Variants in PPP6R2 observed in about 807,000 individuals in gnomAD.
PPP6R2 encodes the protein protein phosphatase 6 regulatory subunit 2, also known as serine/threonine-protein phosphatase 6 regulatory subunit 2.
A neutral mutation model predicts 100.2 loss-of-function variants in PPP6R2; 62 were observed. The observed-to-expected ratio is 0.62, with a 90% CI of 0.50 to 0.76. The LOEUF (loss-of-function observed/expected upper bound fraction) is 0.76. Ranked by LOEUF, PPP6R2 falls within the 30% of genes least tolerant of loss-of-function variation. The probability of loss-of-function intolerance (pLI) is 0.00; values close to 1 mark genes in which losing one functional copy is unlikely to be tolerated. For missense variants in PPP6R2, 1,142 were observed against 1,276.3 expected, an observed-to-expected ratio of 0.89 and a Z score of 1.60; for synonymous variants, 525 against 514.7, an observed-to-expected ratio of 1.02 and a Z score of -0.27.
chr22:50,339,844 GGTGTGTGTGTGGTATGTA>G (rs2042351073), upstream of PPP6R2, among the ~76,000 whole-genome samples: 1 of 118,110 alleles, frequency 8.5e-6, no homozygotes, highest in Non-Finnish European at 1.7e-5. Context: ...TGTGGTGTGT[GGTGTGTGTGTGGTATGTA>G]GTGTGTGTGT....
Position 50,438,718 on chromosome 22 carries a change from C to G in PPP6R2, c.2084C>G (p.Ala695Gly). 1 of 1,612,398 alleles carries G rather than the reference C, an allele frequency of 6.2e-7. No homozygotes were observed. Among genetic ancestry groups the G allele is most frequent in the South Asian group, 1.1e-5 (1 of 90,920 alleles). Residue 695 changes from alanine to glycine, a missense_variant, in exon 19 of 24, where the codon GCC (alanine) becomes GGC (glycine). Transcript: ENST00000612753. Reference sequence around the variant, plus strand: ...GCACCTGGGGCAGGTGCCCCACCGGCCCCCGGGAAGAAGGAAGCGCCCCCT... The same window carrying G: ...GCACCTGGGGCAGGTGCCCCACCGGGCCCCGGGAAGAAGGAAGCGCCCCCT... ...RDAPGAGAPP[A>G]PGKKEAPPVE...
At chr22:50,357,081 G>T (rs1381331552) in intron 1 of PPP6R2, among the ~76,000 whole-genome samples, 1 of 152,130 alleles carries the variant, frequency 6.6e-6, no homozygotes, top group Admixed American at 6.6e-5. Flanking sequence ...GGCGGTAGTG[G>T]TATCTTACTG....
At chr22:50,346,978 C>G (rs377732468) in intron 1 of PPP6R2, among the ~76,000 whole-genome samples, 1 of 151,674 alleles carries the variant, frequency 6.6e-6, no homozygotes, top group East Asian at 1.9e-4. Context: ...CTTCTGTCAG[C>G]AATGTCCCCA....
rs561546062 is a variant in PPP6R2, at chr22:50,444,168, G to T, written c.2832-31G>T. The T allele has an allele frequency of 5.0e-6, 8 of 1,611,940 alleles. No homozygotes were observed. In the East Asian group the frequency reaches 1.6e-4, roughly 31 times the overall value. The stretch of plus-strand genomic sequence containing the variant: ...GGGGTGTGGACAGGGCCCGCAGCCC[G>T]CACGGTTCCAACCCCACCCCATTCC... On this transcript the variant is annotated intron_variant, in intron 23 of 23. Transcript: ENST00000612753.
At chr22:50,380,058 G>A (rs2052519912) in intron 2 of PPP6R2, among the ~76,000 whole-genome samples, 1 of 152,122 alleles carries the variant, frequency 6.6e-6, no homozygotes, top group Admixed American at 6.6e-5. Context: ...AGGAATACCA[G>A]AGGGTGGGTA....
chr22:50,400,136 A>G (rs867609199), intron 3 of PPP6R2, among the ~76,000 whole-genome samples: 2 of 152,068 alleles, frequency 1.3e-5, no homozygotes, highest in South Asian at 4.1e-4. Flanking sequence ...CCCAGGAAGC[A>G]CCCCCTGCCG....
chr22:50,444,519 G>A lies in PPP6R2; in HGVS notation c.*272G>A. 3.0e-6 allele frequency: 1 copy of A among 333,592 alleles called. No homozygotes were observed. Among genetic ancestry groups the A allele is most frequent in the Non-Finnish European group, 5.2e-6 (1 of 193,078 alleles). 20.7% of individuals were successfully genotyped at this position (333,592 alleles called of 1,614,324 possible). A position where few individuals can be genotyped will look rare whatever the true frequency, so the allele number is the denominator to read the frequency against. ...AGCACAGCAATAAGGTCGGCCTGCA[G>A]GAGCCGGGGTGGGGGTGGGGGTGGG... is the stretch of plus-strand genomic sequence containing the variant. On this transcript the variant is annotated 3_prime_UTR_variant, in exon 24 of 24. Coordinates refer to ENST00000612753, the MANE Select transcript of PPP6R2 (RefSeq NM_001242898.2).
chr22:50,396,195 CAAAAAAAA>C (rs528437459), intron 3 of PPP6R2, among the ~76,000 whole-genome samples: 2 of 51,622 alleles, frequency 3.9e-5, no homozygotes, highest in East Asian at 1.3e-3. Flanking sequence ...GACTCTGGCT[CAAAAAAAA>C]AAAAAAAAAA....
At chr22:50,389,559 T>G (rs893681608) in intron 2 of PPP6R2, among the ~76,000 whole-genome samples, 4 of 150,382 alleles carry the variant, frequency 2.7e-5, no homozygotes, top group Non-Finnish European at 5.9e-5. Context: ...TTTTTTTGTT[T>G]TTTTTTTTTT....
chr22:50,408,656 C>CCTTG (rs1255347694), intron 4 of PPP6R2, among the ~76,000 whole-genome samples: 2 of 152,050 alleles, frequency 1.3e-5, no homozygotes, highest in Non-Finnish European at 2.9e-5. Flanking sequence ...CCCTTGCAGC[C>CCTTG]CAGTGACTAG....
At chr22:50,352,706 A>G (rs1173384274) in intron 1 of PPP6R2, among the ~76,000 whole-genome samples, 2 of 150,900 alleles carry the variant, frequency 1.3e-5, no homozygotes, top group African/African-American at 4.9e-5. Context: ...GCCTGGTGAC[A>G]GAGCGAGACT....
chr22:50,406,640 G>C (rs760850500), intron 3 of PPP6R2, 49 bp from the exon 4 acceptor site: 1 of 1,543,528 alleles, frequency 6.5e-7, no homozygotes, highest in Admixed American at 1.7e-5. Context: ...CTTCCTAAGA[G>C]TTGGAGAAGT....
intron 2 of PPP6R2, among the ~76,000 whole-genome samples, chr22:50,372,833 C>T (rs1199030485): frequency 1.3e-5 from 2 of 151,792 alleles, no homozygotes; most frequent in Non-Finnish European, 2.9e-5. Context: ...GGACTACAGG[C>T]ACGCACCACC....
At chr22:50,390,245 T>TGG (rs2055189933) in intron 2 of PPP6R2, among the ~76,000 whole-genome samples, 1 of 151,708 alleles carries the variant, frequency 6.6e-6, no homozygotes, top group African/African-American at 2.4e-5. Context: ...ACCCGCTTCA[T>TGG]CCTCCCAAAG....
At chr22:50,420,475 G>A (rs1232057927) in intron 8 of PPP6R2, among the ~76,000 whole-genome samples, 2 of 152,214 alleles carry the variant, frequency 1.3e-5, no homozygotes, top group East Asian at 3.8e-4. Context: ...GGTGAAAGTT[G>A]AGTTTGTTTG....
intron 1 of PPP6R2, among the ~76,000 whole-genome samples, chr22:50,356,305 C>CTT (rs542422707): frequency 3.0e-4 from 41 of 135,284 alleles, no homozygotes; most frequent in Non-Finnish European, 3.8e-4. Context: ...TCTATTTTTC[C>CTT]TTTTTTTTTT....
intron 2 of PPP6R2, among the ~76,000 whole-genome samples, chr22:50,392,424 A>G (rs975565318): frequency 2.6e-5 from 4 of 152,016 alleles, no homozygotes; most frequent in Admixed American, 2.6e-4. Flanking sequence ...GCTGAAAGTC[A>G]AAGCAGCTTC....
At chr22:50,389,725 A>G (rs938096110) in intron 2 of PPP6R2, among the ~76,000 whole-genome samples, 2 of 151,738 alleles carry the variant, frequency 1.3e-5, no homozygotes, top group Admixed American at 1.3e-4. Flanking sequence ...CAGCCTCCCG[A>G]CTAGCTGGGA....
chr22:50,444,762 G>A lies in PPP6R2; in HGVS notation c.*515G>A, dbSNP rs1603429727. The A allele has an allele frequency of 6.1e-6, 1 of 164,052 alleles. No individual in the cohort carries two copies. Among genetic ancestry groups the A allele is most frequent in the Admixed American group, 6.4e-5 (1 of 15,510 alleles). 10.2% of individuals were successfully genotyped at this position (164,052 alleles called of 1,614,324 possible). On this transcript the variant is annotated 3_prime_UTR_variant, in exon 24 of 24. Coordinates refer to ENST00000612753, the MANE Select transcript of PPP6R2 (RefSeq NM_001242898.2). ...TCACAGGAATGCATAATTGACCCTT[G>A]CAGCTACCCAATAGCCCTTGGAGCT...
Sources: allele counts gnomAD v4.1 joint callset (sites outside exome capture counted in the v4.1 genomes callset), GRCh38; gene constraint gnomAD v4.1.1; transcripts MANE v1.5; gene names NCBI Gene and HGNC (gene_info 2026-07-23, HGNC 2026-07-21).